Variants in CFAP206 observed in about 807,000 individuals in gnomAD.
CFAP206 encodes the protein cilia- and flagella-associated protein 206.
A neutral mutation model predicts 65.4 loss-of-function variants in CFAP206; 53 were observed. That is an observed-to-expected ratio of 0.81 (90% CI 0.65 to 1.02). The LOEUF (loss-of-function observed/expected upper bound fraction) is 1.02. Ranked by LOEUF, CFAP206 falls within the 50% of genes least tolerant of loss-of-function variation. CFAP206 has a pLI of 0.00. For synonymous variants in CFAP206, 250 were observed against 254.4 expected (o/e 0.98, Z 0.17); for missense variants, 663 against 753.2 (o/e 0.88, Z 1.40).
intron 10 of CFAP206, among the ~76,000 whole-genome samples, chr6:87,434,043 T>C (rs1223351642): frequency 2.0e-5 from 3 of 150,642 alleles, no homozygotes; most frequent in African/African-American, 7.3e-5. Flanking sequence ...GAGGTTGTAG[T>C]GAGCTGAGAT....
rs1051732600 is a variant in CFAP206, at chr6:87,410,587, G to A, written c.111G>A (p.Val37=). The change falls in exon 3 of 13, where the codon GTG becomes GTA. Residue 37 remains valine, a splice_region_variant and synonymous_variant. Transcript: ENST00000369562. ...GACTCGTTCCTACTTTTTTCTAGGT[G>A]AAAGCTGTTGTCCTGGATCCAAGTA... ...IVSETLIAFM[V]KAVVLDPSNG... is the part of the protein sequence containing the mutation. 5.0e-6 allele frequency: 8 copies of A among 1,612,544 alleles called. No individual in the cohort carries two copies. The East Asian group carries it at 1.3e-4, about 27-fold the overall frequency.
intron 11 of CFAP206, among the ~76,000 whole-genome samples, chr6:87,440,845 G>A (rs899141747): frequency 3.3e-5 from 5 of 152,122 alleles, no homozygotes; most frequent in Admixed American, 2.6e-4. Context: ...TACACTATGC[G>A]TAAACCAAGC....
intron 11 of CFAP206, among the ~76,000 whole-genome samples, chr6:87,460,191 C>T (rs935475461): frequency 6.6e-6 from 1 of 152,174 alleles, no homozygotes; most frequent in East Asian, 1.9e-4. Flanking sequence ...CCTCCAACAA[C>T]GTCAACAATG....
chr6:87,426,636 A>C lies in CFAP206; in HGVS notation c.951A>C (p.Ser317=), dbSNP rs1365802381. 6.3e-7 allele frequency: 1 copy of C among 1,582,506 alleles called. No homozygotes were observed. The highest frequency in any genetic ancestry group is 2.3e-5 in the East Asian group (1 of 43,708). Residue 317 remains serine (S), a synonymous_variant, in exon 8 of 13, where the codon TCA becomes TCC. Transcript: ENST00000369562. ...AATCAAAGATAGCGGTCCCAACATC[A>C]CAAGTCTTTGTAAGTATTTGTCATA... The part of the protein sequence containing the change: ...TIKSKIAVPT[S]QVFPIFIALS...
intron 11 of CFAP206, among the ~76,000 whole-genome samples, chr6:87,451,225 G>A (rs1320022689): frequency 2.0e-5 from 3 of 152,192 alleles, no homozygotes; most frequent in Non-Finnish European, 4.4e-5. Context: ...GTAGACAAGG[G>A]AGTGCTTGCA....
At chr6:87,459,396 A>C (rs1768703193) in intron 11 of CFAP206, among the ~76,000 whole-genome samples, 1 of 152,140 alleles carries the variant, frequency 6.6e-6, no homozygotes, top group Admixed American at 6.6e-5. Context: ...ACTGGTTTTA[A>C]AATACTTGTT....
At chr6:87,419,246 A>G (rs6919775) in intron 7 of CFAP206, among the ~76,000 whole-genome samples, 52,085 of 151,828 alleles carry the variant, frequency 0.34, 9,807 homozygotes, top group African/African-American at 0.51. Context: ...GGTAACAGGC[A>G]TAAGCCACCA....
chr6:87,431,407 A>G (rs1319480948), intron 10 of CFAP206, among the ~76,000 whole-genome samples: 1 of 152,228 alleles, frequency 6.6e-6, no homozygotes. Flanking sequence ...GTGTTATGAA[A>G]TATGGATGCT....
chr6:87,420,653 A>T (rs975196029), intron 7 of CFAP206, among the ~76,000 whole-genome samples: 1 of 152,224 alleles, frequency 6.6e-6, no homozygotes, highest in African/African-American at 2.4e-5. Flanking sequence ...CAATAAAGTG[A>T]TGATGATGTT....
rs566957832 is a variant in CFAP206 at position 87,433,144 on chromosome 6, C to T, written c.1301-1716C>T. ...AAACTCTGCCTCCCAGGTTGCTAAT[C>T]GCCTTGCTGCCTCATTTTATTCAGC... On this transcript the variant is annotated intron_variant, in intron 10 of 12. Coordinates refer to ENST00000369562, the MANE Select transcript of CFAP206 (RefSeq NM_001031743.3). Among the ~76,000 whole-genome samples the T allele has an allele frequency of 3.5e-4, 54 of 152,344 alleles. 1 individual carries two copies. The highest frequency in any genetic ancestry group is 1.9e-4 in the African/African-American group (8 of 41,578).
At chr6:87,411,616 T>G (rs368075556) in intron 3 of CFAP206, among the ~76,000 whole-genome samples, 1 of 140,942 alleles carries the variant, frequency 7.1e-6, no homozygotes, top group East Asian at 1.9e-4. Context: ...GCCCCCTAGG[T>G]TTTTTTCTGT....
At chr6:87,449,464 G>T (rs1348733513) in intron 11 of CFAP206, among the ~76,000 whole-genome samples, 3 of 143,808 alleles carry the variant, frequency 2.1e-5, no homozygotes, top group Non-Finnish European at 3.0e-5. Flanking sequence ...AAAAAAAAGA[G>T]TTCCCTTTCT....
intron 3 of CFAP206, among the ~76,000 whole-genome samples, chr6:87,411,887 A>G (rs188864787): frequency 1.4e-4 from 21 of 152,360 alleles, no homozygotes; most frequent in African/African-American, 4.3e-4. Flanking sequence ...CACCAGTTAG[A>G]ATATCTTTAA....
chr6:87,417,239 A>G (rs16879286), intron 6 of CFAP206, among the ~76,000 whole-genome samples: 5,540 of 152,294 alleles, frequency 0.036, 124 homozygotes, highest in Middle Eastern at 0.078. Flanking sequence ...GATATTTCAA[A>G]TCTCTAAATT....
At chr6:87,462,339 C>G (rs1240331626) in intron 12 of CFAP206, among the ~76,000 whole-genome samples, 2 of 152,196 alleles carry the variant, frequency 1.3e-5, no homozygotes, top group Non-Finnish European at 2.9e-5. Flanking sequence ...CCCCATATAT[C>G]TTCCAGATCA....
In CFAP206 at chr6:87,416,717, CTCTT is replaced by C. The variant is rs759167400; in HGVS notation, c.525_528del (p.Ser176ArgfsTer8). ...CAGGCAGAGCTTGGGACATTTCTAA[CTCTT>C]TCTAAGAAGGACAAAGAACGCCAGC... On this transcript the variant is annotated frameshift_variant, in exon 6 of 13. Coordinates refer to ENST00000369562, the MANE Select transcript of CFAP206 (RefSeq NM_001031743.3). LOFTEE classifies it high-confidence loss of function. The C allele has an allele frequency of 5.2e-5, 84 of 1,613,030 alleles. No homozygotes were observed. Among genetic ancestry groups the C allele is most frequent in the Middle Eastern group, 1.6e-4 (1 of 6,082 alleles).
intron 11 of CFAP206, among the ~76,000 whole-genome samples, chr6:87,457,793 CACAG>C: frequency 1.3e-5 from 2 of 152,306 alleles, no homozygotes; most frequent in Middle Eastern, 6.8e-3. Context: ...TCCCCACCAG[CACAG>C]ACAACCAAAG....
intron 6 of CFAP206, among the ~76,000 whole-genome samples, 193 bp downstream of exon 6, chr6:87,417,020 T>A (rs556882053): frequency 2.0e-5 from 3 of 152,344 alleles, no homozygotes; most frequent in African/African-American, 7.2e-5. Context: ...GACTTTACAT[T>A]TTATGTACCA....
In CFAP206 at chr6:87,431,926, A is replaced by G. The variant is rs150147086; in HGVS notation, c.1300+753A>G. Reference sequence around the variant, plus strand: ...GATAGGATTTCTCTGTTAGACGCCTATAAGGAAATGGCTAATATCAAGTAA... The same window carrying G: ...GATAGGATTTCTCTGTTAGACGCCTGTAAGGAAATGGCTAATATCAAGTAA... On this transcript the variant is annotated intron_variant, in intron 10 of 12. Coordinates refer to ENST00000369562, the MANE Select transcript of CFAP206 (RefSeq NM_001031743.3). Among the ~76,000 whole-genome samples the G allele has an allele frequency of 5.3e-5, 8 of 152,344 alleles. No homozygotes were observed. The East Asian group carries it at 9.6e-4, about 18-fold the overall frequency.
Sources: allele counts gnomAD v4.1 joint callset (sites outside exome capture counted in the v4.1 genomes callset), GRCh38; gene constraint gnomAD v4.1.1; transcripts MANE v1.5; gene names NCBI Gene and HGNC (gene_info 2026-07-23, HGNC 2026-07-21).